The following ATAD2B variants were observed in gnomAD, a reference collection of about 807,000 sequenced individuals.
The protein encoded by ATAD2B is ATPase family AAA domain-containing protein 2B.
In ATAD2B, 40 loss-of-function variants were observed where a neutral mutation model predicts 167.6. The observed-to-expected ratio is 0.24, with a 90% CI of 0.19 to 0.31. The LOEUF is 0.31. Ranked by LOEUF, ATAD2B falls within the 10% of genes least tolerant of loss-of-function variation. The pLI is 1.00. For missense variants in ATAD2B, 1,242 were observed against 1,757.2 expected, an observed-to-expected ratio of 0.71 and a Z score of 5.24; for synonymous variants, 579 against 596.5, an observed-to-expected ratio of 0.97 and a Z score of 0.43.
Position 23,920,397 on chromosome 2 carries a change from T to A in ATAD2B, c.216+6158A>T, listed in dbSNP as rs112315293. Among the ~76,000 whole-genome samples, 863 of 152,348 alleles carry A rather than the reference T, an allele frequency of 5.7e-3. 11 individuals carry two copies. The highest frequency in any genetic ancestry group is 0.018 in the African/African-American group (759 of 41,580). ...TTCTCATATGCATACCATGTGCACA[T>A]TTGCAGTACTGAGGGTAAAAACTGT... On this transcript the variant is annotated intron_variant, in intron 1 of 27. Coordinates refer to ENST00000238789, the MANE Select transcript of ATAD2B (RefSeq NM_017552.4).
intron 12 of ATAD2B, 77 bp downstream of exon 12, chr2:23,863,304 C>T: frequency 7.2e-7 from 1 of 1,394,190 alleles, no homozygotes; most frequent in East Asian, 2.5e-5. Context: ...CAGAGAGAGG[C>T]CCTGTCTCAA....
intron 18 of ATAD2B, chr2:23,799,778 A>C (rs766245432): frequency 6.6e-6 from 1 of 151,986 alleles, no homozygotes; most frequent in South Asian, 2.1e-4. Context: ...CAGATGAAAG[A>C]AGCTCAAATA....
chr2:23,925,935 G>A (rs1704709459), intron 1 of ATAD2B, among the ~76,000 whole-genome samples: 1 of 152,168 alleles, frequency 6.6e-6, no homozygotes, highest in Non-Finnish European at 1.5e-5. Flanking sequence ...GAGCTAGCTG[G>A]CTGGTTCCCC....
At chr2:23,685,891 G>C in the ATAD2B span, among the ~76,000 whole-genome samples, 1 of 152,194 alleles carries the variant, frequency 6.6e-6, no homozygotes, top group Non-Finnish European at 1.5e-5. Context: ...CTTGGGCCTG[G>C]CTCCAAACCA....
the ATAD2B span, among the ~76,000 whole-genome samples, chr2:23,735,703 T>C: frequency 2.0e-5 from 3 of 152,154 alleles, no homozygotes; most frequent in African/African-American, 7.2e-5. Context: ...AGTACGAAAA[T>C]CAGGATGTCT....
chr2:23,894,316 T>C (rs911118962), intron 2 of ATAD2B, among the ~76,000 whole-genome samples: 13 of 152,020 alleles, frequency 8.6e-5, no homozygotes, highest in Middle Eastern at 3.4e-3. Context: ...ACCCTGTCTC[T>C]ACAAAAAATA....
chr2:23,855,772 C>G (rs967659136), intron 13 of ATAD2B, among the ~76,000 whole-genome samples: 1 of 152,208 alleles, frequency 6.6e-6, no homozygotes, highest in African/African-American at 2.4e-5. Flanking sequence ...GCCTGTAGTT[C>G]TAGCTACTCA....
chr2:23,857,624 T>C (rs1438482281), intron 12 of ATAD2B, 121 bp from the exon 13 acceptor site: 1 of 425,344 alleles, frequency 2.4e-6, no homozygotes, highest in Non-Finnish European at 4.2e-6. Context: ...AAGGAGTATA[T>C]AGCAACGAGG....
chr2:23,739,612 T>C, the ATAD2B span, among the ~76,000 whole-genome samples: 2 of 151,852 alleles, frequency 1.3e-5, no homozygotes, highest in African/African-American at 4.8e-5. Context: ...AGATCTAAAA[T>C]TGACACCCTA....
At chr2:23,735,639 A>G in the ATAD2B span, among the ~76,000 whole-genome samples, 1 of 152,226 alleles carries the variant, frequency 6.6e-6, no homozygotes, top group East Asian at 1.9e-4. Flanking sequence ...TAATCAAAAT[A>G]CTAACTTGAA....
chr2:23,858,713 G>C (rs1417013372), intron 12 of ATAD2B, among the ~76,000 whole-genome samples: 2 of 150,904 alleles, frequency 1.3e-5, no homozygotes, highest in Admixed American at 6.6e-5. Flanking sequence ...AAACTCTTGG[G>C]CTCAAGTGAC....
intron 1 of ATAD2B, among the ~76,000 whole-genome samples, chr2:23,898,278 C>T (rs1489334150): frequency 1.3e-5 from 2 of 152,190 alleles, no homozygotes; most frequent in East Asian, 1.9e-4. Context: ...AAAATATTTG[C>T]CACCTATTGT....
chr2:23,809,830 A>T (rs1685275039), intron 18 of ATAD2B, among the ~76,000 whole-genome samples: 1 of 152,184 alleles, frequency 6.6e-6, no homozygotes, highest in Non-Finnish European at 1.5e-5. Context: ...CAAACCAGTA[A>T]ATACAAAATA....
At chr2:23,717,812 T>C in the ATAD2B span, among the ~76,000 whole-genome samples, 2 of 151,918 alleles carry the variant, frequency 1.3e-5, no homozygotes, top group African/African-American at 4.8e-5. Context: ...GTGACAATAA[T>C]ATAGGAAATG....
At chr2:23,916,135 TAA>T (rs1296834899) in intron 1 of ATAD2B, among the ~76,000 whole-genome samples, 1 of 152,132 alleles carries the variant, frequency 6.6e-6, no homozygotes, top group Non-Finnish European at 1.5e-5. Flanking sequence ...TGCCCAAACA[TAA>T]AGAGTTAAAA....
At chr2:23,820,925 G>T (rs1035086439) in intron 16 of ATAD2B, among the ~76,000 whole-genome samples, 1 of 152,016 alleles carries the variant, frequency 6.6e-6, no homozygotes, top group Admixed American at 6.6e-5. Flanking sequence ...CTCCAGCCTT[G>T]GTGACAGAGC....
chr2:23,803,599 AT>A (rs1279366170), intron 18 of ATAD2B, among the ~76,000 whole-genome samples: 2 of 152,194 alleles, frequency 1.3e-5, no homozygotes, highest in African/African-American at 4.8e-5. Flanking sequence ...TAAGAAAAAC[AT>A]TGCTTTTTAA....
chr2:23,753,374 G>A lies in ATAD2B; in HGVS notation c.4335+805C>T, dbSNP rs1209565203. Among the ~76,000 whole-genome samples the A allele has an allele frequency of 3.9e-5, 6 of 152,220 alleles. No individual in the cohort carries two copies. In the South Asian group the frequency reaches 1.0e-3, roughly 26 times the overall value. ...TTTTGCATTCCAAACACCCAGCACA[G>A]CATCTGGCACTGCAGGTACTCAATA... On this transcript the variant is annotated intron_variant, in intron 27 of 27. Coordinates refer to ENST00000238789, the MANE Select transcript of ATAD2B (RefSeq NM_017552.4).
In ATAD2B at chr2:23,885,833, C is replaced by A; in HGVS notation, c.573-4G>T. 2.0e-6 allele frequency: 3 copies of A among 1,524,646 alleles called. No individual in the cohort carries two copies. The highest frequency in any genetic ancestry group is 2.4e-5 in the South Asian group (2 of 83,064). The allele number at this position is 1,524,646 out of a possible 1,614,324, so 94.4% of individuals were successfully genotyped here. A position where few individuals can be genotyped will look rare whatever the true frequency, so the allele number is the denominator to read the frequency against. ...CTGTAGTACAGCTTCAGCAGTGCTA[C>A]AATCACATAATAAAATCAGGATTTA... is the stretch of plus-strand genomic sequence containing the variant. On this transcript the variant is annotated splice_polypyrimidine_tract_variant and splice_region_variant and intron_variant, in intron 4 of 27. Coordinates refer to ENST00000238789, the MANE Select transcript of ATAD2B (RefSeq NM_017552.4).
Sources: allele counts gnomAD v4.1 joint callset (sites outside exome capture counted in the v4.1 genomes callset), GRCh38; gene constraint gnomAD v4.1.1; transcripts MANE v1.5; gene names NCBI Gene and HGNC (gene_info 2026-07-23, HGNC 2026-07-21).